MGST1: variants seen among roughly 807,000 people sequenced by gnomAD.
MGST1 encodes glutathione S-transferase 12.
In MGST1, 5 loss-of-function variants were observed where a neutral mutation model predicts 8.9. That is an observed-to-expected ratio of 0.56 (90% CI 0.29 to 1.19). The LOEUF (loss-of-function observed/expected upper bound fraction) is 1.19, where lower values mean the gene tolerates loss of function less well. Among genes scored for constraint, MGST1 ranks in the 50% most tolerant of loss-of-function variants. The probability of loss-of-function intolerance (pLI) is 0.08; values close to 1 mark genes in which losing one functional copy is unlikely to be tolerated. For missense variants in MGST1, 182 were observed against 187.4 expected (o/e 0.97, Z 0.17); for synonymous variants, 54 against 67.8 (o/e 0.80, Z 1.00).
chr12:16,443,881 G>A (rs1941057826), intron 4 of MGST1, among the ~76,000 whole-genome samples: 1 of 151,928 alleles, frequency 6.6e-6, no homozygotes, highest in Non-Finnish European at 1.5e-5. Flanking sequence ...AAGCTCTGCA[G>A]GCAGAATTCA....
intron 4 of MGST1, chr12:16,550,200 A>G (rs1304788189): frequency 2.0e-5 from 3 of 152,296 alleles, no homozygotes; most frequent in East Asian, 1.9e-4. Flanking sequence ...TTCACACTCA[A>G]ATCTTTTCAG....
intron 4 of MGST1, among the ~76,000 whole-genome samples, chr12:16,502,316 C>A (rs1290505867): frequency 6.6e-6 from 1 of 152,132 alleles, no homozygotes; most frequent in Admixed American, 6.6e-5. Context: ...AAATTCATGG[C>A]TCTTAATCCA....
rs766450412 is a variant in MGST1 at position 16,363,994 on chromosome 12, A to T, written c.421A>T (p.Thr141Ser). 43 of 1,613,584 alleles carry T rather than the reference A, an allele frequency of 2.7e-5. No homozygotes were observed. Among genetic ancestry groups the T allele is most frequent in the Non-Finnish European group, 3.5e-5 (41 of 1,179,778 alleles). The change falls in exon 4 of 4, where the codon ACT becomes TCT. Residue 141 changes from threonine (T) to serine (S), a missense_variant. Thr to Ser is a moderately conservative substitution (Grantham distance 58). Transcript: ENST00000396210. This position sits in a 1 kb window ranked among gnomAD's most constrained non-coding sequence, Gnocchi z 4.6. The part of the protein sequence containing the change: ...ALSFFVGYGV[T>S]LSMAYRLLKS... ...GAGTTTTTTTGTTGGATATGGAGTTACTCTTTCCATGGCTTACAGGTTGCT... is the reference window on the plus strand; with the variant it reads ...GAGTTTTTTTGTTGGATATGGAGTTTCTCTTTCCATGGCTTACAGGTTGCT...
intron 4 of MGST1, among the ~76,000 whole-genome samples, chr12:16,470,748 T>C (rs1941285320): frequency 6.6e-6 from 1 of 152,178 alleles, no homozygotes; most frequent in East Asian, 1.9e-4. Flanking sequence ...CTTGTGACAT[T>C]TTAAAAAATT....
intron 1 of MGST1, among the ~76,000 whole-genome samples, chr12:16,419,324 T>G (rs1310879846): frequency 6.6e-6 from 1 of 152,204 alleles, no homozygotes. Context: ...TTGTCTGGCA[T>G]ATTCTCTTGT....
intron 4 of MGST1, chr12:16,550,266 T>G (rs1205375306): frequency 6.6e-6 from 1 of 152,388 alleles, no homozygotes; most frequent in Non-Finnish European, 1.5e-5. Context: ...TGTGGAGAGA[T>G]CTGGGCAGAA....
intron 1 of MGST1, among the ~76,000 whole-genome samples, chr12:16,412,775 A>G (rs559327611): frequency 6.6e-5 from 10 of 152,290 alleles, no homozygotes; most frequent in African/African-American, 2.4e-4. Context: ...GGCCTCCCCA[A>G]CCATGTGGAA....
chr12:16,493,631 G>A (rs1489880224), intron 4 of MGST1, among the ~76,000 whole-genome samples: 4 of 152,112 alleles, frequency 2.6e-5, no homozygotes, highest in Non-Finnish European at 4.4e-5. Flanking sequence ...GTTAAGAAGT[G>A]TTCTTACTTG....
intron 1 of MGST1, among the ~76,000 whole-genome samples, chr12:16,428,717 T>G (rs879660016): frequency 6.6e-6 from 1 of 152,080 alleles, no homozygotes; most frequent in Non-Finnish European, 1.5e-5. Context: ...TTTAAAATGT[T>G]TTTCGGATTT....
intron 4 of MGST1, among the ~76,000 whole-genome samples, chr12:16,477,496 CAG>C (rs1204904236): frequency 6.6e-6 from 1 of 152,112 alleles, no homozygotes; most frequent in Non-Finnish European, 1.5e-5. Context: ...AGTTTCAAAA[CAG>C]ATTAATACAA....
chr12:16,364,320 C>A lies in MGST1; in HGVS notation c.*279C>A, dbSNP rs1565439418. The A allele has an allele frequency of 9.3e-7, 1 of 1,079,974 alleles. No individual in the cohort carries two copies. Among genetic ancestry groups the A allele is most frequent in the Non-Finnish European group, 1.1e-6 (1 of 890,364 alleles). 66.9% of individuals were successfully genotyped at this position (1,079,974 alleles called of 1,614,324 possible). ...GATTTGTAACATTCACACAACACCT[C>A]ACTTTTGAATCTATAAAAGAATTGC... On this transcript the variant is annotated 3_prime_UTR_variant, in exon 4 of 4. Transcript: ENST00000396210. This position sits in a 1 kb window ranked among gnomAD's most constrained non-coding sequence, Gnocchi z 5.7.
intron 1 of MGST1, among the ~76,000 whole-genome samples, chr12:16,394,327 G>C (rs766655650): frequency 7.3e-5 from 11 of 150,880 alleles, no homozygotes; most frequent in African/African-American, 2.7e-4. Flanking sequence ...CATTTAGTTT[G>C]TTTGCCAATT....
intron 1 of MGST1, chr12:16,399,258 G>A: frequency 6.3e-7 from 1 of 1,599,316 alleles, no homozygotes; most frequent in Admixed American, 1.7e-5. Context: ...AAGGAGCTCA[G>A]GGCCAAAGTT....
rs1030063575 is a variant in MGST1 at position 16,560,173 on chromosome 12, G to A, written n.483-29355G>A. Among the ~76,000 whole-genome samples, 5 of 152,150 alleles carry A rather than the reference G, an allele frequency of 3.3e-5. No homozygotes were observed. Among genetic ancestry groups the A allele is most frequent in the Admixed American group, 6.5e-5 (1 of 15,270 alleles). On this transcript the variant is annotated intron_variant and non_coding_transcript_variant, in intron 4 of 4. Coordinates refer to the MGST1 transcript ENST00000538857. This position sits in a 1 kb window ranked among gnomAD's most constrained non-coding sequence, Gnocchi z 5.0. ...ATGAGTAAAAGAAGTCAGAGTTTACGGTAGTGTTTCCATTTTCTGTTACTT... is the reference window on the plus strand; with the variant it reads ...ATGAGTAAAAGAAGTCAGAGTTTACAGTAGTGTTTCCATTTTCTGTTACTT...
intron 1 of MGST1, among the ~76,000 whole-genome samples, chr12:16,422,569 G>T (rs1245230085): frequency 6.6e-6 from 1 of 152,106 alleles, no homozygotes; most frequent in East Asian, 1.9e-4. Context: ...TCACCTGCTT[G>T]CAATGTACTT....
chr12:16,403,306 G>A (rs1940675102), intron 1 of MGST1, among the ~76,000 whole-genome samples: 1 of 151,794 alleles, frequency 6.6e-6, no homozygotes, highest in Admixed American at 6.6e-5. Flanking sequence ...CCCCTTTTTA[G>A]CCTGCTTTAT....
intron 1 of MGST1, among the ~76,000 whole-genome samples, chr12:16,427,759 C>T (rs1341119375): frequency 6.6e-6 from 1 of 152,130 alleles, no homozygotes; most frequent in African/African-American, 2.4e-5. Flanking sequence ...TTAATTATTT[C>T]CATCTAAGCA....
downstream of MGST1, among the ~76,000 whole-genome samples, chr12:16,591,735 G>T (rs1943500834): frequency 6.6e-6 from 1 of 152,022 alleles, no homozygotes; most frequent in Non-Finnish European, 1.5e-5. This position sits in a 1 kb window ranked among gnomAD's most constrained non-coding sequence, Gnocchi z 4.1. Flanking sequence ...AATACAAATA[G>T]CATGAAAGTT....
chr12:16,472,351 A>T (rs943181222), intron 4 of MGST1, among the ~76,000 whole-genome samples: 1 of 152,034 alleles, frequency 6.6e-6, no homozygotes, highest in East Asian at 1.9e-4. Context: ...GTTTGTAAAC[A>T]TATTTACTAC....
Sources: gnomAD v4.1 joint callset for allele counts (sites outside exome capture counted in the v4.1 genomes callset) on GRCh38, gnomAD v4.1.1 for gene constraint, Gnocchi (gnomAD v3.1) non-coding constraint, MANE v1.5 for transcripts, NCBI Gene and HGNC (gene_info 2026-07-23, HGNC 2026-07-21) for gene names.